Variants in ITGA2B observed in about 807,000 individuals in gnomAD.
The protein encoded by ITGA2B is integrin subunit alpha 2b, also known as integrin alpha-IIb.
Under a neutral mutation model 142.0 loss-of-function variants are expected in ITGA2B, and 91 were observed. That is an observed-to-expected ratio of 0.64 (90% confidence interval 0.54 to 0.76). The LOEUF is 0.76. Among genes scored for constraint, ITGA2B ranks in the 30% least tolerant of loss-of-function variants. The probability of loss-of-function intolerance (pLI) is 0.00; values close to 1 mark genes in which losing one functional copy is unlikely to be tolerated. For synonymous variants in ITGA2B, 536 were observed against 567.2 expected, an observed-to-expected ratio of 0.94 and a Z score of 0.78; for missense variants, 1,231 against 1,350.8, an observed-to-expected ratio of 0.91 and a Z score of 1.39.
chr17:44,378,233 A>T (rs2048561840), intron 20 of ITGA2B, 129 bp downstream of exon 20: 4 of 1,262,366 alleles, frequency 3.2e-6, no homozygotes, highest in Non-Finnish European at 4.2e-6. Context: ...CAAATTAAAA[A>T]AAAAATAAAA....
At chr17:44,379,546 G>T in intron 18 of ITGA2B, 143 bp downstream of exon 18, 1 of 1,336,174 alleles carries the variant, frequency 7.5e-7, no homozygotes, top group Non-Finnish European at 1.1e-6. Flanking sequence ...GAGCCACCAT[G>T]ACTGGCTGGA....
Position 44,386,123 on chromosome 17 carries a change from A to T in ITGA2B, c.197T>A (p.Ile66Asn). ...CAGGGTCCGCGGGGCGCCCACCACGATGGCCACTCTGCATAGGAAAGCTGG... is the reference window on the plus strand; with the variant it reads ...CAGGGTCCGCGGGGCGCCCACCACGTTGGCCACTCTGCATAGGAAAGCTGG... Reference protein sequence around the residue: ...FHKDSHGRVAIVVGAPRTLGP... With the variant: ...FHKDSHGRVANVVGAPRTLGP... The change falls in exon 2 of 30, where the codon ATC becomes AAC. Residue 66 changes from isoleucine (I) to asparagine (N), a missense_variant. Coordinates refer to ENST00000262407, the MANE Select transcript of ITGA2B (RefSeq NM_000419.5). The T allele has an allele frequency of 6.3e-7, 1 of 1,599,418 alleles. No individual in the cohort carries two copies.
At chr17:44,377,825 A>G in intron 20 of ITGA2B, 35 bp from the exon 21 acceptor site, 1 of 1,338,404 alleles carries the variant, frequency 7.5e-7, no homozygotes, top group Non-Finnish European at 1.0e-6. Context: ...GAAATTACAG[A>G]GCATCATATA....
chr17:44,387,547 T>C (rs850727), intron 1 of ITGA2B, among the ~76,000 whole-genome samples: 69,531 of 147,464 alleles, frequency 0.47, 16,680 homozygotes, highest in African/African-American at 0.6. Context: ...AAAAAAAGTC[T>C]GGGCATGGTG....
chr17:44,377,341 G>A (rs1417792167), intron 21 of ITGA2B, among the ~76,000 whole-genome samples: 2 of 151,926 alleles, frequency 1.3e-5, no homozygotes, highest in Non-Finnish European at 2.9e-5. Context: ...GACTATAGGC[G>A]TGCGCCACCA....
chr17:44,385,280 A>G lies in ITGA2B; in HGVS notation c.624+6T>C, dbSNP rs370053644. ...CGCCCCCACTGCGCTTTTGCTCCCT[A>G]CTCGCCTGAGTGACCACGGAGCTGA... On this transcript the variant is annotated splice_donor_region_variant and intron_variant, in intron 5 of 29. Transcript: ENST00000262407. The G allele has an allele frequency of 8.1e-6, 13 of 1,613,210 alleles. No individual in the cohort carries two copies. The African/African-American group carries it at 1.1e-4, about 13-fold the overall frequency.
chr17:44,377,196 T>C (rs1400853311), intron 21 of ITGA2B, 108 bp from the exon 22 acceptor site: 1 of 860,744 alleles, frequency 1.2e-6, no homozygotes, highest in African/African-American at 1.7e-5. Context: ...ACTATTCTTT[T>C]TCTTTTTTTT....
intron 23 of ITGA2B, 23 bp downstream of exon 23, chr17:44,376,285 C>T (rs2048543307): frequency 6.2e-7 from 1 of 1,614,116 alleles, no homozygotes; most frequent in Non-Finnish European, 8.5e-7. Flanking sequence ...TGCCATCTCC[C>T]TTCTCCACCC....
At chr17:44,384,641 G>A in intron 7 of ITGA2B, 56 bp from the exon 8 acceptor site, 1 of 1,590,262 alleles carries the variant, frequency 6.3e-7, no homozygotes, top group East Asian at 2.2e-5. Flanking sequence ...AGAGGGGACG[G>A]AGGGCAAAGA....
intron 28 of ITGA2B, 61 bp downstream of exon 28, chr17:44,374,598 C>T: frequency 6.5e-7 from 1 of 1,548,302 alleles, no homozygotes; most frequent in Non-Finnish European, 8.9e-7. Flanking sequence ...TCTGGCTGGG[C>T]ACTGACTGGG....
At position 44,379,851 on chromosome 17, in the gene ITGA2B, A is replaced by G. The variant is rs767992005; in HGVS notation, c.1753-37T>C. On this transcript the variant is annotated intron_variant, in intron 17 of 29. Coordinates refer to ENST00000262407, the MANE Select transcript of ITGA2B (RefSeq NM_000419.5). Reference sequence around the variant, plus strand: ...GCAAGAGTCAGGCCATCTTGCTACCATACACATCCCACCTTCTCCTGGCCA... The same window carrying G: ...GCAAGAGTCAGGCCATCTTGCTACCGTACACATCCCACCTTCTCCTGGCCA... 3 of 1,613,344 alleles carry G rather than the reference A, an allele frequency of 1.9e-6. No homozygotes were observed. In the South Asian group the frequency reaches 3.3e-5, roughly 18 times the overall value.
chr17:44,385,572 T>A lies in ITGA2B; in HGVS notation c.553A>T (p.Ile185Phe). Residue 185 changes from isoleucine (I) to phenylalanine (F), a missense_variant, in exon 4 of 30, where the codon ATT (isoleucine) becomes TTT (phenylalanine). This residue lies in a region of ITGA2B where 318 missense variants were observed against 312.2 expected (regional missense o/e 1.02). Transcript: ENST00000262407. Reference sequence around the variant, plus strand: ...TTACTAAAATCATTTTCCACGTAAATGCGGCTCAGGGTGTTCCCGCGACAG... The same window carrying A: ...TTACTAAAATCATTTTCCACGTAAAAGCGGCTCAGGGTGTTCCCGCGACAG... Reference protein sequence around the residue: ...SPCRGNTLSRIYVENDFSWDK... With the variant: ...SPCRGNTLSRFYVENDFSWDK... The A allele has an allele frequency of 1.2e-6, 2 of 1,600,070 alleles. No individual in the cohort carries two copies. Among genetic ancestry groups the A allele is most frequent in the Non-Finnish European group, 1.7e-6 (2 of 1,175,450 alleles).
In ITGA2B at chr17:44,381,040, T is replaced by G. The variant is rs373586333; in HGVS notation, c.1232A>C (p.Tyr411Ser). The G allele has an allele frequency of 6.2e-7, 1 of 1,613,410 alleles. No individual in the cohort carries two copies. Among genetic ancestry groups the G allele is most frequent in the South Asian group, 1.1e-5 (1 of 90,990 alleles). Residue 411 changes from tyrosine to serine, a missense_variant, in exon 13 of 30, where the codon TAC (tyrosine) becomes TCC (serine). By Grantham distance (144) the Tyr-to-Ser change is moderately radical. This residue lies in a region of ITGA2B where 908 missense variants were observed against 1,021.1 expected (regional missense o/e 0.89). Transcript: ENST00000262407. Reference sequence around the variant, plus strand: ...TTGGCCCCGGCCACTGGGACCCCCGTAGGGGGCAGCCACTGCAATGTCTGG... The same window carrying G: ...TTGGCCCCGGCCACTGGGACCCCCGGAGGGGGCAGCCACTGCAATGTCTGG... ...GYNDIAVAAPYGGPSGRGQVL... is the reference protein window; with the variant it reads ...GYNDIAVAAPSGGPSGRGQVL...
Position 44,375,000 on chromosome 17 carries a change from G to T in ITGA2B, c.2839C>A (p.Gln947Lys). 1 of 1,534,776 alleles carries T rather than the reference G, an allele frequency of 6.5e-7. No homozygotes were observed. The highest frequency in any genetic ancestry group is 8.7e-7 in the Non-Finnish European group (1 of 1,143,456). ...CGCCCCACCACGGCCCACCCCACCTGGTAGAGGCTGGGCAGCCACAGGAAG... is the reference window on the plus strand; with the variant it reads ...CGCCCCACCACGGCCCACCCCACCTTGTAGAGGCTGGGCAGCCACAGGAAG... ...LAFLWLPSLY[Q>K]RPLDQFVLQS... The change falls in exon 27 of 30, where the codon CAG (glutamine) becomes AAG (lysine). Residue 947 changes from glutamine (Q) to lysine (K), a missense_variant and splice_region_variant. This residue lies in a region of ITGA2B where 908 missense variants were observed against 1,021.1 expected (regional missense o/e 0.89). Transcript: ENST00000262407.
rs765496039 is a variant in ITGA2B at position 44,381,011 on chromosome 17, G to A, written c.1261C>T (p.Leu421=). ...YGGPSGRGQV[L]VFLGQSEGLR... ...CCCTCACTCTGACCCAGGAACACCA[G>A]CACTTGGCCCCGGCCACTGGGACCC... Residue 421 remains leucine, a synonymous_variant, in exon 13 of 30, where the codon CTG becomes TTG. Coordinates refer to ENST00000262407, the MANE Select transcript of ITGA2B (RefSeq NM_000419.5). 13 of 1,613,318 alleles carry A rather than the reference G, an allele frequency of 8.1e-6. No homozygotes were observed. In the East Asian group the frequency reaches 2.9e-4, roughly 36 times the overall value.
intron 7 of ITGA2B, 64 bp downstream of exon 7, chr17:44,384,884 G>T: frequency 6.2e-7 from 1 of 1,611,272 alleles, no homozygotes; most frequent in South Asian, 1.1e-5. Flanking sequence ...ACAGGGGCAG[G>T]ACCTGACCGT....
chr17:44,384,450 G>A, intron 8 of ITGA2B, 88 bp downstream of exon 8: 1 of 1,608,308 alleles, frequency 6.2e-7, no homozygotes. Context: ...TGTGTGTGCA[G>A]GAAGATTTCC....
chr17:44,380,163 C>T lies in ITGA2B; in HGVS notation c.1601-10G>A, dbSNP rs568349461. ...AGCTCGGCATTTAGGGCTGGCAGGG[C>T]AAGCAGAAGAGTCAGGACCTCCCTG... On this transcript the variant is annotated splice_polypyrimidine_tract_variant and intron_variant, in intron 16 of 29. Transcript: ENST00000262407. 2 of 1,613,468 alleles carry T rather than the reference C, an allele frequency of 1.2e-6. No homozygotes were observed. Among genetic ancestry groups the T allele is most frequent in the East Asian group, 4.5e-5 (2 of 44,834 alleles).
At chr17:44,384,840 G>A in intron 7 of ITGA2B, 108 bp downstream of exon 7, 2 of 1,561,214 alleles carry the variant, frequency 1.3e-6, no homozygotes, top group Non-Finnish European at 1.8e-6. Flanking sequence ...CTTAGGCGGT[G>A]GGTTGGCCGG....
Sources: gnomAD v4.1 joint callset for allele counts (sites outside exome capture counted in the v4.1 genomes callset) on GRCh38, gnomAD v4.1.1 for gene constraint, gnomAD v4.1.1 regional missense constraint, MANE v1.5 for transcripts, NCBI Gene and HGNC (gene_info 2026-07-23, HGNC 2026-07-21) for gene names.